The following KIAA1549L variants were observed in gnomAD, a reference collection of about 807,000 sequenced individuals.
KIAA1549L encodes the protein UPF0606 protein KIAA1549L.
KIAA1549L carries 88 observed loss-of-function variants against 160.7 expected under a neutral mutation model. That is an observed-to-expected ratio of 0.55 (90% confidence interval 0.46 to 0.65). KIAA1549L has a LOEUF of 0.65. Among genes scored for constraint, KIAA1549L ranks in the 30% least tolerant of loss-of-function variants. The pLI, the probability that KIAA1549L is intolerant of heterozygous loss-of-function variation, is 0.00. For synonymous variants in KIAA1549L, 950 were observed against 976.7 expected (o/e 0.97, Z 0.51); for missense variants, 2,258 against 2,437.5 (o/e 0.93, Z 1.55).
At chr11:33,522,160 C>T (rs1565167986) in intron 1 of KIAA1549L, among the ~76,000 whole-genome samples, 1 of 152,060 alleles carries the variant, frequency 6.6e-6, no homozygotes. Flanking sequence ...TTTGGATGTT[C>T]TAAAGGGCTT....
In KIAA1549L at chr11:33,407,956, C is replaced by T. The variant is rs577387915; in HGVS notation, c.238+31067C>T. On this transcript the variant is annotated intron_variant, in intron 1 of 20. Coordinates refer to ENST00000658780, the MANE Select transcript of KIAA1549L (RefSeq NM_012194.3). ...AGTCAACTTCCTACTGGGAATGACC[C>T]GTTCCTGCAGGGTCTCACCTTCCAA... 6.6e-5 allele frequency among the ~76,000 whole-genome samples: 10 copies of T among 152,218 alleles called. No individual in the cohort carries two copies. The East Asian group carries it at 9.7e-4, about 15-fold the overall frequency.
In KIAA1549L at chr11:33,654,262, A is replaced by G. The variant is rs140492951; in HGVS notation, c.5761-1750A>G. Among the ~76,000 whole-genome samples, 1,259 of 152,276 alleles carry G rather than the reference A, an allele frequency of 8.3e-3. 19 individuals carry two copies. Among genetic ancestry groups the G allele is most frequent in the African/African-American group, 0.029 (1,217 of 41,558 alleles). On this transcript the variant is annotated intron_variant, in intron 17 of 20. Transcript: ENST00000658780. ...GCTGGGATTACAGGCGTGAGCCACC[A>G]CACCCAGCCTGGTCAACTATTTCTT...
chr11:33,404,734 G>C (rs1300431069), intron 1 of KIAA1549L, among the ~76,000 whole-genome samples: 3 of 152,072 alleles, frequency 2.0e-5, no homozygotes, highest in African/African-American at 7.2e-5. Flanking sequence ...TTAAAGCTGG[G>C]CACAGTGGCT....
At chr11:33,553,002 T>C (rs1247174418) in intron 6 of KIAA1549L, among the ~76,000 whole-genome samples, 1 of 152,130 alleles carries the variant, frequency 6.6e-6, no homozygotes, top group East Asian at 1.9e-4. Context: ...AAATGAATCA[T>C]GGCATGAGTG....
intron 1 of KIAA1549L, among the ~76,000 whole-genome samples, chr11:33,396,198 T>C (rs530574216): frequency 6.6e-6 from 1 of 152,310 alleles, no homozygotes; most frequent in Non-Finnish European, 1.5e-5. Context: ...GCATGAAGTA[T>C]GTCCTATTAC....
intron 12 of KIAA1549L, among the ~76,000 whole-genome samples, chr11:33,595,446 C>T (rs887196572): frequency 6.6e-6 from 1 of 152,164 alleles, no homozygotes; most frequent in African/African-American, 2.4e-5. Flanking sequence ...CCAGGCTGGT[C>T]TCAAACTCCT....
intron 1 of KIAA1549L, among the ~76,000 whole-genome samples, chr11:33,426,871 A>G (rs1444493525): frequency 6.6e-6 from 1 of 152,118 alleles, no homozygotes; most frequent in African/African-American, 2.4e-5. Context: ...ATTATCATTT[A>G]TATCTGTGCT....
intron 1 of KIAA1549L, among the ~76,000 whole-genome samples, chr11:33,439,579 T>C (rs1851453155): frequency 6.7e-6 from 1 of 150,294 alleles, no homozygotes; most frequent in South Asian, 2.1e-4. Context: ...ATTTTTTTTT[T>C]TTTTTTTTTT....
At position 33,542,241 on chromosome 11, in the gene KIAA1549L, G is replaced by C. The variant is rs1300755373; in HGVS notation, c.678G>C (p.Gly226=). 1 of 663,000 alleles carries C rather than the reference G, an allele frequency of 1.5e-6. No homozygotes were observed. The highest frequency in any genetic ancestry group is 1.8e-5 in the African/African-American group (1 of 56,312). The allele number at this position is 663,000 out of a possible 1,614,324, so 41.1% of individuals were successfully genotyped here. A position where few individuals can be genotyped will look rare whatever the true frequency, so the allele number is the denominator to read the frequency against. Residue 226 remains glycine, a synonymous_variant, in exon 2 of 21, where the codon GGG becomes GGC. Coordinates refer to ENST00000658780, the MANE Select transcript of KIAA1549L (RefSeq NM_012194.3). ...CCCCATCCCAGCCAGTATGGGCAGGGACTTCCTCCATTTCAAAGCATCCCC... is the reference window on the plus strand; with the variant it reads ...CCCCATCCCAGCCAGTATGGGCAGGCACTTCCTCCATTTCAAAGCATCCCC... ...AVPPSQPVWA[G]TSSISKHPPR...
intron 17 of KIAA1549L, among the ~76,000 whole-genome samples, chr11:33,653,484 C>T (rs1342431802): frequency 6.6e-6 from 1 of 152,210 alleles, no homozygotes; most frequent in Non-Finnish European, 1.5e-5. Context: ...TTGTTAGTGT[C>T]ATTGCCATCC....
chr11:33,624,130 C>G (rs929811523), intron 16 of KIAA1549L, among the ~76,000 whole-genome samples: 4 of 152,142 alleles, frequency 2.6e-5, no homozygotes, highest in Non-Finnish European at 5.9e-5. Flanking sequence ...CTCAGCTGAC[C>G]CCATGGAGGC....
At chr11:33,642,946 G>A (rs1444284336) in intron 16 of KIAA1549L, among the ~76,000 whole-genome samples, 1 of 152,198 alleles carries the variant, frequency 6.6e-6, no homozygotes, top group Non-Finnish European at 1.5e-5. Context: ...AAACAGAGGT[G>A]AAATGGGTTC....
rs1408820385 is a variant in KIAA1549L at position 33,668,126 on chromosome 11, A to G, written c.6413A>G (p.Gln2138Arg). The G allele has an allele frequency of 4.3e-6, 7 of 1,613,740 alleles. No homozygotes were observed. Among genetic ancestry groups the G allele is most frequent in the African/African-American group, 1.3e-5 (1 of 74,946 alleles). ...GAGGTGGCCAAGCTGGCCAAAAAAC[A>G]GACAGACATGTTTGAGTTCCAGGTC... The part of the protein sequence containing the change: ...REEVAKLAKK[Q>R]TDMFEFQV The change falls in exon 21 of 21, where the codon CAG (glutamine) becomes CGG (arginine). Residue 2138 changes from glutamine to arginine, a missense_variant. Gln to Arg is a conservative substitution (Grantham distance 43). Transcript: ENST00000658780.
intron 1 of KIAA1549L, among the ~76,000 whole-genome samples, chr11:33,408,376 C>T (rs1213502286): frequency 2.0e-5 from 3 of 151,612 alleles, no homozygotes; most frequent in Admixed American, 2.0e-4. Context: ...TGGTGTTTCC[C>T]CATCAGCAAA....
intron 18 of KIAA1549L, among the ~76,000 whole-genome samples, chr11:33,657,502 GA>G (rs140033473): frequency 0.38 from 57,621 of 151,844 alleles, 11,229 homozygotes; most frequent in East Asian, 0.5. Flanking sequence ...AACAGGCTTG[GA>G]AAGGGAACGT....
chr11:33,655,311 A>G (rs1214301522), intron 17 of KIAA1549L, among the ~76,000 whole-genome samples: 1 of 152,172 alleles, frequency 6.6e-6, no homozygotes, highest in African/African-American at 2.4e-5. Flanking sequence ...CTGAGCAAGC[A>G]TTGTTGTCCC....
chr11:33,417,477 A>G (rs1850911776), intron 1 of KIAA1549L, among the ~76,000 whole-genome samples: 1 of 152,180 alleles, frequency 6.6e-6, no homozygotes, highest in Non-Finnish European at 1.5e-5. Flanking sequence ...CGAGTGGGTT[A>G]TGATCCCCAG....
intron 1 of KIAA1549L, among the ~76,000 whole-genome samples, chr11:33,418,439 G>C (rs1850930182): frequency 2.0e-5 from 3 of 152,160 alleles, no homozygotes; most frequent in Admixed American, 6.5e-5. Context: ...ACAAGGCCCT[G>C]TCCTCTTGGA....
intron 8 of KIAA1549L, among the ~76,000 whole-genome samples, chr11:33,562,005 G>A (rs1376858406): frequency 6.6e-6 from 1 of 152,172 alleles, no homozygotes; most frequent in Non-Finnish European, 1.5e-5. Flanking sequence ...AATGTTAACC[G>A]AAGAAGGTCT....
Sources: gnomAD v4.1 joint callset for allele counts (sites outside exome capture counted in the v4.1 genomes callset) on GRCh38, gnomAD v4.1.1 for gene constraint, MANE v1.5 for transcripts, NCBI Gene and HGNC (gene_info 2026-07-23, HGNC 2026-07-21) for gene names.